SLC5A9: variants seen among roughly 807,000 people sequenced by gnomAD.
SLC5A9 encodes sodium/glucose cotransporter 4.
Under a neutral mutation model 70.9 loss-of-function variants are expected in SLC5A9, and 59 were observed. The ratio of observed to expected loss-of-function variants is 0.83; its 90% CI spans 0.68 to 1.03. SLC5A9 has a LOEUF of 1.03. Among genes scored for constraint, SLC5A9 ranks in the 50% least tolerant of loss-of-function variants. The probability of loss-of-function intolerance (pLI) is 0.00; values close to 1 mark genes in which losing one functional copy is unlikely to be tolerated. For missense variants in SLC5A9, 832 were observed against 881.1 expected (o/e 0.94, Z 0.71); for synonymous variants, 340 against 346.5 (o/e 0.98, Z 0.21).
In SLC5A9 at chr1:48,228,908, G is replaced by A. The variant is rs1284372045; in HGVS notation, c.293G>A (p.Gly98Glu). The A allele has an allele frequency of 6.2e-7, 1 of 1,613,664 alleles. No individual in the cohort carries two copies. ...VGSGLFIGLA[G>E]TGAAGGLAVG... ...AGTGGCTTGTTCATCGGCCTGGCTG[G>A]GACAGGGGCTGCCGGAGGCCTTGCC... Residue 98 changes from glycine (G) to glutamate (E), a missense_variant, in exon 3 of 14, where the codon GGG (glycine) becomes GAG (glutamate). Physicochemically the swap from Gly to Glu is moderately conservative, Grantham distance 98. Transcript: ENST00000438567.
At chr1:48,231,020 G>A (rs1282813065) in intron 5 of SLC5A9, among the ~76,000 whole-genome samples, 1 of 152,140 alleles carries the variant, frequency 6.6e-6, no homozygotes, top group Non-Finnish European at 1.5e-5. Context: ...AACTGCCTGG[G>A]GAGCAGGGTA....
chr1:48,232,129 C>G lies in SLC5A9; in HGVS notation c.875C>G (p.Thr292Ser). Residue 292 changes from threonine to serine, a missense_variant, in exon 7 of 14, where the codon ACC (threonine) becomes AGC (serine). Physicochemically the swap from Thr to Ser is moderately conservative, Grantham distance 58. Coordinates refer to ENST00000438567, the MANE Select transcript of SLC5A9 (RefSeq NM_001011547.3). The stretch of plus-strand genomic sequence containing the variant: ...ATTTTCGGGCTCACAGTGCTGGCCA[C>G]CTGGTGTTGGTGCACAGACCAGGTA... ...GLIFGLTVLA[T>S]WCWCTDQVIV... is the part of the protein sequence containing the mutation. 6.2e-7 allele frequency: 1 copy of G among 1,613,632 alleles called. No individual in the cohort carries two copies. The highest frequency in any genetic ancestry group is 8.5e-7 in the Non-Finnish European group (1 of 1,179,680).
chr1:48,246,820 C>T (rs1644465100), intron 13 of SLC5A9, among the ~76,000 whole-genome samples: 1 of 152,212 alleles, frequency 6.6e-6, no homozygotes, highest in African/African-American at 2.4e-5. Context: ...ACCTCCAGCT[C>T]AGAGAAGCTG....
intron 13 of SLC5A9, among the ~76,000 whole-genome samples, chr1:48,243,715 CTAAAA>C (rs1644418206): frequency 6.7e-6 from 1 of 150,140 alleles, no homozygotes; most frequent in Non-Finnish European, 1.5e-5. Context: ...ATCCCTGAAA[CTAAAA>C]TAAAAGTAAA....
chr1:48,241,096 G>T (rs1259543560), intron 12 of SLC5A9: 1 of 152,044 alleles, frequency 6.6e-6, no homozygotes, highest in African/African-American at 2.4e-5. Context: ...CTTCTTCACA[G>T]GCTTCTCTAT....
At position 48,229,346 on chromosome 1, in the gene SLC5A9, G is replaced by A. The variant is rs745940389; in HGVS notation, c.391G>A (p.Ala131Thr). 13 of 1,614,104 alleles carry A rather than the reference G, an allele frequency of 8.1e-6. 1 individual carries two copies. Among genetic ancestry groups the A allele is most frequent in the East Asian group, 2.2e-5 (1 of 44,862 alleles). ...LGWVFVPVYI[A>T]AGVVTMPQYL... ...CTGGGTCTTCGTCCCTGTGTACATC[G>A]CAGCAGGTGTGGTCACAATGCCGCA... The change falls in exon 4 of 14, where the codon GCA (alanine) becomes ACA (threonine). Residue 131 changes from alanine (A) to threonine (T), a missense_variant. Physicochemically the swap from Ala to Thr is moderately conservative, Grantham distance 58. Transcript: ENST00000438567.
rs552308986 is a variant in SLC5A9, at chr1:48,227,225, TGTGA to T, written c.235-1621_235-1618del. On this transcript the variant is annotated intron_variant, in intron 2 of 13. Transcript: ENST00000438567. ...GTGTGAGTGCATGTGTGTGTGCATG[TGTGA>T]GTGTGTGTGTACTGTGCCTGTGTGT... Among the ~76,000 whole-genome samples the T allele has an allele frequency of 9.9e-4, 138 of 138,926 alleles. 1 individual carries two copies. Among genetic ancestry groups the T allele is most frequent in the Admixed American group, 4.4e-3 (61 of 13,952 alleles). 91.1% of individuals were successfully genotyped at this position (138,926 alleles called of 152,430 possible).
At position 48,239,635 on chromosome 1, in the gene SLC5A9, C is replaced by A; in HGVS notation, c.1677+98C>A. On this transcript the variant is annotated intron_variant, in intron 12 of 13. Transcript: ENST00000438567. The surrounding 1 kb of genome is among the most constrained non-coding windows in gnomAD (Gnocchi z 4.2). ...GACTTTTACTCTGTTGGGTTATGGTCTCCCCTGTGGCCACACAGATGTCCT... is the reference window on the plus strand; with the variant it reads ...GACTTTTACTCTGTTGGGTTATGGTATCCCCTGTGGCCACACAGATGTCCT... The A allele has an allele frequency of 8.5e-7, 1 of 1,173,826 alleles. No homozygotes were observed. The highest frequency in any genetic ancestry group is 2.4e-5 in the East Asian group (1 of 42,400). The allele number at this position is 1,173,826 out of a possible 1,614,324, so 72.7% of individuals were successfully genotyped here. A position where few individuals can be genotyped will look rare whatever the true frequency, so the allele number is the denominator to read the frequency against.
intron 2 of SLC5A9, among the ~76,000 whole-genome samples, 163 bp downstream of exon 2, chr1:48,224,958 C>T (rs756735832): frequency 1.1e-4 from 17 of 152,100 alleles, no homozygotes; most frequent in South Asian, 2.1e-4. Context: ...AAACCCGCCC[C>T]GCAACCTGAG....
chr1:48,240,704 T>C (rs553291424), intron 12 of SLC5A9, among the ~76,000 whole-genome samples: 2 of 152,308 alleles, frequency 1.3e-5, no homozygotes, highest in South Asian at 2.1e-4. Flanking sequence ...TCTTCCCCAG[T>C]TGAAAATCCT....
chr1:48,236,271 A>G (rs1320858253), intron 10 of SLC5A9, among the ~76,000 whole-genome samples: 1 of 152,138 alleles, frequency 6.6e-6, no homozygotes, highest in African/African-American at 2.4e-5. Context: ...GATCCATCAG[A>G]TTCACTCTGA....
Position 48,230,657 on chromosome 1 carries a change from C to T in SLC5A9, c.562C>T (p.Leu188Phe). Residue 188 changes from leucine to phenylalanine, a missense_variant, in exon 5 of 14, where the codon CTC (leucine) becomes TTC (phenylalanine). By Grantham distance (22) the Leu-to-Phe change is conservative. Coordinates refer to ENST00000438567, the MANE Select transcript of SLC5A9 (RefSeq NM_001011547.3). ...IQMALGWNLY[L>F]STGILLVVTA... Reference sequence around the variant, plus strand: ...GATGGCATTGGGCTGGAACCTGTACCTCTCCACAGGGATCCTGCTGGTGGT... The same window carrying T: ...GATGGCATTGGGCTGGAACCTGTACTTCTCCACAGGGATCCTGCTGGTGGT... 1 of 1,614,144 alleles carries T rather than the reference C, an allele frequency of 6.2e-7. No homozygotes were observed. Among genetic ancestry groups the T allele is most frequent in the Non-Finnish European group, 8.5e-7 (1 of 1,180,022 alleles).
intron 8 of SLC5A9, among the ~76,000 whole-genome samples, chr1:48,233,277 C>G (rs1383570407): frequency 7.0e-6 from 1 of 142,464 alleles, no homozygotes; most frequent in Admixed American, 7.3e-5. Flanking sequence ...AGGAGAATCA[C>G]TTGAACCCAG....
In SLC5A9 at chr1:48,237,751, G is replaced by C. The variant is rs1181451632; in HGVS notation, c.1365G>C (p.Gln455His). 6.2e-7 allele frequency: 1 copy of C among 1,613,980 alleles called. No individual in the cohort carries two copies. Among genetic ancestry groups the C allele is most frequent in the Admixed American group, 1.7e-5 (1 of 59,996 alleles). The change falls in exon 11 of 14, where the codon CAG (glutamine) becomes CAC (histidine). Residue 455 changes from glutamine (Q) to histidine (H), a missense_variant. Coordinates refer to ENST00000438567, the MANE Select transcript of SLC5A9 (RefSeq NM_001011547.3). Reference sequence around the variant, plus strand: ...TCATCCAAAGCTCCAACAGTGGGCAGCTCTTCGACTACATCCAGGCTGTCA... The same window carrying C: ...TCATCCAAAGCTCCAACAGTGGGCACCTCTTCGACTACATCCAGGCTGTCA... ...IPIIQSSNSGQLFDYIQAVTS... is the reference protein window; with the variant it reads ...IPIIQSSNSGHLFDYIQAVTS...
intron 11 of SLC5A9, among the ~76,000 whole-genome samples, chr1:48,238,939 TA>T (rs1270453981): frequency 2.0e-5 from 3 of 152,258 alleles, no homozygotes; most frequent in Non-Finnish European, 4.4e-5. Flanking sequence ...ATTCCCTGAT[TA>T]TTACAAAAGT....
Position 48,242,488 on chromosome 1 carries a change from GC to G in SLC5A9, c.1714del (p.Leu572SerfsTer66), listed in dbSNP as rs1230852558. ...LTRLTWWTRN[C>X]PLSELEKEAH... ...CGCCTCACATGGTGGACTCGGAACT[GC>G]CCCCTCTCTGAGCTGGAGAAGGAGG... On this transcript the variant is annotated frameshift_variant, in exon 13 of 14. Coordinates refer to ENST00000438567, the MANE Select transcript of SLC5A9 (RefSeq NM_001011547.3). LOFTEE classifies it high-confidence loss of function. 1 of 1,612,084 alleles carries G rather than the reference GC, an allele frequency of 6.2e-7. No individual in the cohort carries two copies.
chr1:48,239,176 T>C lies in SLC5A9; in HGVS notation c.1462-146T>C. On this transcript the variant is annotated intron_variant, in intron 11 of 13. Transcript: ENST00000438567. The surrounding 1 kb of genome is among the most constrained non-coding windows in gnomAD (Gnocchi z 4.2). ...AGTCAAGACGAAGTCTCAGTATTAA[T>C]GGAGAACTCATTTTCCCATTAGTAG... The C allele has an allele frequency of 1.6e-6, 1 of 634,408 alleles. No homozygotes were observed. Among genetic ancestry groups the C allele is most frequent in the Non-Finnish European group, 2.8e-6 (1 of 356,318 alleles). The allele number at this position is 634,408 out of a possible 1,614,324, so 39.3% of individuals were successfully genotyped here.
chr1:48,241,712 C>A (rs1644392478), intron 12 of SLC5A9, among the ~76,000 whole-genome samples: 1 of 151,820 alleles, frequency 6.6e-6, no homozygotes. Flanking sequence ...TTCTCTCTCT[C>A]TCTCTCTCTC....
Position 48,247,315 on chromosome 1 carries a change from T to A in SLC5A9, c.1838-20T>A. On this transcript the variant is annotated intron_variant, in intron 13 of 13. Coordinates refer to ENST00000438567, the MANE Select transcript of SLC5A9 (RefSeq NM_001011547.3). ...CTCTCCCCTCCTGCTCTCCTTTGTCTTCTGGCTTTGTCCCTCCAGCCCCAA... is the reference window on the plus strand; with the variant it reads ...CTCTCCCCTCCTGCTCTCCTTTGTCATCTGGCTTTGTCCCTCCAGCCCCAA... The A allele has an allele frequency of 6.2e-7, 1 of 1,611,800 alleles. No homozygotes were observed. The highest frequency in any genetic ancestry group is 8.5e-7 in the Non-Finnish European group (1 of 1,178,308).
Sources: gnomAD v4.1 joint callset for allele counts (sites outside exome capture counted in the v4.1 genomes callset) on GRCh38, gnomAD v4.1.1 for gene constraint, Gnocchi (gnomAD v3.1) non-coding constraint, MANE v1.5 for transcripts, NCBI Gene and HGNC (gene_info 2026-07-23, HGNC 2026-07-21) for gene names.